Variants in BEND7 observed in about 807,000 individuals in gnomAD.
BEND7 encodes BEN domain-containing protein 7.
Under a neutral mutation model 50.9 loss-of-function variants are expected in BEND7, and 28 were observed. The observed-to-expected ratio is 0.55, with a 90% CI of 0.41 to 0.75. BEND7 has a LOEUF of 0.75. BEND7 is among the 30% of genes least tolerant of loss of function. The probability of loss-of-function intolerance (pLI) is 0.00; values close to 1 mark genes in which losing one functional copy is unlikely to be tolerated. For synonymous variants in BEND7, 170 were observed against 183.9 expected (o/e 0.92, Z 0.61); for missense variants, 477 against 491.3 (o/e 0.97, Z 0.28).
At chr10:13,495,035 G>A (rs2076933706) in intron 4 of BEND7, among the ~76,000 whole-genome samples, 1 of 152,136 alleles carries the variant, frequency 6.6e-6, no homozygotes, top group Non-Finnish European at 1.5e-5. Flanking sequence ...GCGACAAAGT[G>A]GCATTTACTT....
At chr10:13,517,218 C>T (rs1306788040) in intron 2 of BEND7, among the ~76,000 whole-genome samples, 1 of 152,002 alleles carries the variant, frequency 6.6e-6, no homozygotes, top group African/African-American at 2.4e-5. Flanking sequence ...AGCATGACAC[C>T]TGGCTAATTT....
chr10:13,518,640 T>C (rs1487543447), intron 2 of BEND7, among the ~76,000 whole-genome samples: 2 of 152,186 alleles, frequency 1.3e-5, no homozygotes, highest in East Asian at 3.9e-4. Context: ...CATATGTGAG[T>C]TCTCCTTTTC....
chr10:13,442,682 A>G (rs1368969711), intron 8 of BEND7: 1 of 152,226 alleles, frequency 6.6e-6, no homozygotes, highest in Non-Finnish European at 1.5e-5. Context: ...AATGGCTGTC[A>G]GGTATCATGT....
intron 1 of BEND7, among the ~76,000 whole-genome samples, chr10:13,526,826 C>T (rs1276958888): frequency 6.6e-6 from 1 of 152,056 alleles, no homozygotes; most frequent in African/African-American, 2.4e-5. Flanking sequence ...TCTAAAACTG[C>T]ACCTGCAGAG....
At chr10:13,478,591 TATA>T (rs56884641) in intron 6 of BEND7, among the ~76,000 whole-genome samples, 84,936 of 151,822 alleles carry the variant, frequency 0.56, 24,103 homozygotes, top group East Asian at 0.75. Context: ...GGTAAGAATG[TATA>T]ATACCATAAT....
intron 2 of BEND7, among the ~76,000 whole-genome samples, chr10:13,513,546 C>T (rs1424185696): frequency 6.6e-6 from 1 of 152,126 alleles, no homozygotes; most frequent in African/African-American, 2.4e-5. Flanking sequence ...CCCCTCCCTC[C>T]CACAGCTGAT....
chr10:13,448,619 T>G (rs1402297248), intron 7 of BEND7, among the ~76,000 whole-genome samples: 1 of 152,146 alleles, frequency 6.6e-6, no homozygotes, highest in African/African-American at 2.4e-5. Context: ...GAAAGACCCC[T>G]TGTCTGCTGA....
downstream of BEND7, chr10:13,438,544 CAT>C (rs1479126190): frequency 1.3e-5 from 2 of 152,100 alleles, no homozygotes; most frequent in African/African-American, 4.8e-5. Context: ...TATATACACA[CAT>C]ATCTGTATAT....
intron 3 of BEND7, 82 bp from the exon 4 acceptor site, chr10:13,496,970 G>C (rs2077068477): frequency 7.0e-7 from 1 of 1,425,646 alleles, no homozygotes; most frequent in Non-Finnish European, 9.1e-7. Flanking sequence ...AGAGAAAAAA[G>C]AAAGTATCTT....
chr10:13,500,814 G>GT, intron 2 of BEND7: 1 of 985,450 alleles, frequency 1.0e-6, no homozygotes, highest in Non-Finnish European at 1.2e-6. Context: ...TGCCACTCGA[G>GT]GTCACTGGCG....
intron 2 of BEND7, among the ~76,000 whole-genome samples, chr10:13,508,254 G>A (rs947481750): frequency 4.6e-5 from 7 of 152,200 alleles, no homozygotes; most frequent in African/African-American, 1.2e-4. Flanking sequence ...ACAAGACTGG[G>A]AGTCGAACTC....
chr10:13,461,630 G>A (rs1264878028), intron 6 of BEND7, among the ~76,000 whole-genome samples: 1 of 152,126 alleles, frequency 6.6e-6, no homozygotes, highest in Non-Finnish European at 1.5e-5. Flanking sequence ...CTACTTGGGA[G>A]GCTGAGGCAG....
intron 6 of BEND7, among the ~76,000 whole-genome samples, chr10:13,474,837 G>A (rs1158048959): frequency 1.3e-5 from 2 of 152,252 alleles, no homozygotes; most frequent in Non-Finnish European, 2.9e-5. Context: ...ACTCATCATT[G>A]CTGTTAAACT....
At chr10:13,523,301 TGTGA>T (rs1564423883) in intron 2 of BEND7, among the ~76,000 whole-genome samples, 1 of 152,258 alleles carries the variant, frequency 6.6e-6, no homozygotes, top group Non-Finnish European at 1.5e-5. Context: ...ATTAAAAATA[TGTGA>T]GTAATTCCTA....
At chr10:13,471,074 T>C (rs188631910) in intron 6 of BEND7, among the ~76,000 whole-genome samples, 590 of 152,362 alleles carry the variant, frequency 3.9e-3, no homozygotes, top group Non-Finnish European at 6.1e-3. Flanking sequence ...TGAGGTCTTC[T>C]CCTAGTGAGA....
At chr10:13,484,168 T>A (rs1284957157) in intron 5 of BEND7, among the ~76,000 whole-genome samples, 1 of 152,238 alleles carries the variant, frequency 6.6e-6, no homozygotes, top group African/African-American at 2.4e-5. Context: ...CACAGGTGAC[T>A]GGGCTCTGTC....
chr10:13,457,626 C>T (rs907989896), intron 6 of BEND7, among the ~76,000 whole-genome samples: 8 of 152,172 alleles, frequency 5.3e-5, no homozygotes, highest in African/African-American at 1.9e-4. Context: ...ATCCTATTCC[C>T]TCCATTATGA....
intron 2 of BEND7, among the ~76,000 whole-genome samples, chr10:13,514,668 A>G (rs1194671339): frequency 6.6e-6 from 1 of 152,198 alleles, no homozygotes; most frequent in East Asian, 1.9e-4. Flanking sequence ...AAGAAGAGGA[A>G]CACTGAACTT....
chr10:13,505,498 C>T (rs921658029), intron 2 of BEND7, among the ~76,000 whole-genome samples: 45 of 152,214 alleles, frequency 3.0e-4, no homozygotes, highest in Non-Finnish European at 4.6e-4. Flanking sequence ...GGCAGACACC[C>T]GCTCTGGCCT....
Sources: gnomAD v4.1 joint callset for allele counts (sites outside exome capture counted in the v4.1 genomes callset) on GRCh38, gnomAD v4.1.1 for gene constraint, MANE v1.5 for transcripts, NCBI Gene and HGNC (gene_info 2026-07-23, HGNC 2026-07-21) for gene names.